Variants in IL1RAPL1 observed in about 807,000 individuals in gnomAD.
The protein encoded by IL1RAPL1 is interleukin-1 receptor accessory protein-like 1.
Under a neutral mutation model 48.4 loss-of-function variants are expected in IL1RAPL1, and 3 were observed. The observed-to-expected ratio is 0.06, with a 90% CI of 0.03 to 0.16. The LOEUF is 0.16. Ranked by LOEUF, IL1RAPL1 falls within the 10% of genes least tolerant of loss-of-function variation. IL1RAPL1 has a pLI of 1.00. For synonymous variants in IL1RAPL1, 185 were observed against 187.7 expected, an observed-to-expected ratio of 0.99 and a Z score of 0.12; for missense variants, 349 against 530.6, an observed-to-expected ratio of 0.66 and a Z score of 3.36.
chrX:28,590,084 C>T (rs1401369968), intron 1 of IL1RAPL1, among the ~76,000 whole-genome samples: 3 of 111,493 alleles, frequency 2.7e-5, no homozygotes, highest in African/African-American at 9.8e-5. Context: ...ATGTCATTTT[C>T]CCTCATGTTT....
At chrX:29,901,190 C>T (rs1178629808) in intron 6 of IL1RAPL1, among the ~76,000 whole-genome samples, 1 of 112,052 alleles carries the variant, frequency 8.9e-6, no homozygotes, top group Non-Finnish European at 1.9e-5. Context: ...CTTCTTCATA[C>T]ATCTCGTTGA....
At chrX:29,318,929 G>A (rs1307213441) in intron 3 of IL1RAPL1, among the ~76,000 whole-genome samples, 1 of 111,450 alleles carries the variant, frequency 9.0e-6, no homozygotes, top group East Asian at 2.8e-4. Context: ...TAACTCCATT[G>A]TTTTTAAATT....
chrX:28,724,953 T>A (rs1188169908), intron 1 of IL1RAPL1, among the ~76,000 whole-genome samples: 6 of 105,654 alleles, frequency 5.7e-5, no homozygotes, highest in African/African-American at 2.1e-4. Context: ...CAATTTGTTT[T>A]TTTTTTTTTT....
At chrX:28,866,830 C>T (rs1922088456) in intron 2 of IL1RAPL1, among the ~76,000 whole-genome samples, 1 of 111,698 alleles carries the variant, frequency 9.0e-6, no homozygotes, top group African/African-American at 3.3e-5. Context: ...ATATGTTATA[C>T]AGTAGATGTA....
intron 5 of IL1RAPL1, among the ~76,000 whole-genome samples, chrX:29,411,747 T>C (rs1934146715): frequency 9.2e-6 from 1 of 108,664 alleles, no homozygotes; most frequent in African/African-American, 3.4e-5. Flanking sequence ...GCAGGTACTG[T>C]ACACAATTAT....
At chrX:29,310,189 C>G (rs1932703769) in intron 3 of IL1RAPL1, among the ~76,000 whole-genome samples, 1 of 99,232 alleles carries the variant, frequency 1.0e-5, no homozygotes, top group African/African-American at 3.8e-5. Context: ...GGAAAGAATC[C>G]TAGTCTCTGG....
In IL1RAPL1 at chrX:29,237,182, C is replaced by G. The variant is rs148883588; in HGVS notation, c.83-45756C>G. 1.5e-3 allele frequency among the ~76,000 whole-genome samples: 168 copies of G among 111,730 alleles called. No homozygotes were observed. In the East Asian group the frequency reaches 0.036, roughly 24 times the overall value. On this transcript the variant is annotated intron_variant, in intron 2 of 10. Coordinates refer to ENST00000378993, the MANE Select transcript of IL1RAPL1 (RefSeq NM_014271.4). ...TGTCAGTTTGCAGAAACTGTCAAAA[C>G]GAACATAACCTAATTAGAATTGCTG... is the stretch of plus-strand genomic sequence containing the variant.
intron 5 of IL1RAPL1, among the ~76,000 whole-genome samples, chrX:29,462,411 C>G (rs1451842601): frequency 9.0e-6 from 1 of 111,499 alleles, no homozygotes; most frequent in Non-Finnish European, 1.9e-5. Context: ...GGAGTGAACT[C>G]TCACTGAACC....
chrX:28,737,189 TTC>T (rs1156582893), intron 1 of IL1RAPL1, among the ~76,000 whole-genome samples: 84 of 92,746 alleles, frequency 9.1e-4, no homozygotes, highest in East Asian at 2.2e-3. Context: ...TTTCTTTCCT[TTC>T]TCTTTCTTTC....
At chrX:29,348,164 T>C (rs1177904171) in intron 3 of IL1RAPL1, among the ~76,000 whole-genome samples, 1 of 112,045 alleles carries the variant, frequency 8.9e-6, no homozygotes, top group African/African-American at 3.2e-5. Context: ...GAAGAAAATA[T>C]TAAAACAAAG....
intron 9 of IL1RAPL1, among the ~76,000 whole-genome samples, chrX:29,947,755 T>C (rs866159151): frequency 9.4e-6 from 1 of 106,643 alleles, no homozygotes; most frequent in East Asian, 2.9e-4. Flanking sequence ...TTTTGGTGTT[T>C]TTTTTTTTTT....
At chrX:29,383,436 C>T (rs193181607) in intron 3 of IL1RAPL1, among the ~76,000 whole-genome samples, 73 of 111,844 alleles carry the variant, frequency 6.5e-4, no homozygotes, top group African/African-American at 2.2e-3. Context: ...TTAATCATAC[C>T]TCTAACATAA....
chrX:28,891,704 T>C (rs1922774194), intron 2 of IL1RAPL1, among the ~76,000 whole-genome samples: 1 of 112,181 alleles, frequency 8.9e-6, no homozygotes, highest in South Asian at 3.7e-4. Flanking sequence ...TGTTTCCACC[T>C]CTTGGTTATT....
intron 1 of IL1RAPL1, among the ~76,000 whole-genome samples, chrX:28,656,981 C>T (rs1293959539): frequency 1.9e-5 from 2 of 102,985 alleles, no homozygotes; most frequent in African/African-American, 7.2e-5. Flanking sequence ...GAGCTGAGAT[C>T]GCGCCATTGC....
chrX:28,833,715 A>G (rs1008693724), intron 2 of IL1RAPL1, among the ~76,000 whole-genome samples: 3 of 112,037 alleles, frequency 2.7e-5, no homozygotes, highest in Admixed American at 1.9e-4. Context: ...ACTACCTTCT[A>G]TAGATTTCAT....
chrX:29,761,292 AC>A (rs766853815), intron 6 of IL1RAPL1, among the ~76,000 whole-genome samples: 290 of 111,739 alleles, frequency 2.6e-3, no homozygotes, highest in African/African-American at 9.1e-3. Flanking sequence ...GAAATCCAGT[AC>A]CTATTATACA....
At chrX:29,836,877 G>C (rs771075165) in intron 6 of IL1RAPL1, among the ~76,000 whole-genome samples, 1 of 110,760 alleles carries the variant, frequency 9.0e-6, no homozygotes, top group Non-Finnish European at 1.9e-5. Context: ...TTCAAAATTT[G>C]TAAGAGTATA....
chrX:29,920,497 A>T (rs1423370304), intron 8 of IL1RAPL1, among the ~76,000 whole-genome samples: 1 of 111,025 alleles, frequency 9.0e-6, no homozygotes, highest in Non-Finnish European at 1.9e-5. Context: ...TATTATTATT[A>T]GAAATAGATA....
intron 2 of IL1RAPL1, among the ~76,000 whole-genome samples, chrX:28,980,398 C>T (rs999530739): frequency 5.3e-5 from 6 of 112,543 alleles, no homozygotes; most frequent in Admixed American, 2.8e-4. Context: ...CGTCTGTTAA[C>T]GTGTGAAGTT....
Sources: allele counts gnomAD v4.1 joint callset (sites outside exome capture counted in the v4.1 genomes callset), GRCh38; gene constraint gnomAD v4.1.1; transcripts MANE v1.5; gene names NCBI Gene and HGNC (gene_info 2026-07-23, HGNC 2026-07-21).